The following CDC37L1 variants were observed in gnomAD, a reference collection of about 807,000 sequenced individuals.
CDC37L1 encodes the protein cell division cycle 37 like 1, HSP90 cochaperone.
A neutral mutation model predicts 45.9 loss-of-function variants in CDC37L1; 32 were observed. The ratio of observed to expected loss-of-function variants is 0.70; its 90% confidence interval spans 0.53 to 0.94. CDC37L1 has a LOEUF of 0.94. CDC37L1 is among the 40% of genes least tolerant of loss of function. The probability of loss-of-function intolerance (pLI) is 0.00; values close to 1 mark genes in which losing one functional copy is unlikely to be tolerated. For missense variants in CDC37L1, 434 were observed against 405.7 expected (o/e 1.07, Z -0.60); for synonymous variants, 150 against 133.0 (o/e 1.13, Z -0.88).
chr9:4,684,249 A>G (rs958044170), intron 1 of CDC37L1, among the ~76,000 whole-genome samples: 1 of 152,180 alleles, frequency 6.6e-6, no homozygotes, highest in African/African-American at 2.4e-5. Context: ...GCACCTTTGC[A>G]CTCTAGCCTG....
chr9:4,681,754 GA>G (rs1360209643), intron 1 of CDC37L1, among the ~76,000 whole-genome samples: 1 of 152,054 alleles, frequency 6.6e-6, no homozygotes, highest in East Asian at 1.9e-4. Flanking sequence ...GGAATATTTG[GA>G]AAAAATAAAA....
At chr9:4,701,730 G>A in intron 5 of CDC37L1, 134 bp from the exon 6 acceptor site, 1 of 540,324 alleles carries the variant, frequency 1.9e-6, no homozygotes, top group South Asian at 2.8e-5. Flanking sequence ...CAGGGATCGT[G>A]GTGGTTTCTA....
At chr9:4,684,538 T>C (rs1269186219) in intron 1 of CDC37L1, among the ~76,000 whole-genome samples, 4 of 152,182 alleles carry the variant, frequency 2.6e-5, no homozygotes, top group African/African-American at 9.7e-5. Flanking sequence ...GGTGATGAAC[T>C]AGATTTAAGC....
At position 4,706,226 on chromosome 9, in the gene CDC37L1, G is replaced by A; in HGVS notation, c.*114G>A. On this transcript the variant is annotated 3_prime_UTR_variant, in exon 7 of 7. Transcript: ENST00000381854. ...CTTTATTTTTGTTCGGTTTTTGATG[G>A]GAGGGAAAGAGTACTGAAATGTTTT... is the stretch of plus-strand genomic sequence containing the variant. 1.9e-6 allele frequency: 1 copy of A among 528,996 alleles called. No individual in the cohort carries two copies. The highest frequency in any genetic ancestry group is 3.1e-5 in the Admixed American group (1 of 32,198). The allele number at this position is 528,996 out of a possible 1,614,324, so 32.8% of individuals were successfully genotyped here.
intron 1 of CDC37L1, among the ~76,000 whole-genome samples, chr9:4,680,185 T>G (rs985524173): frequency 6.6e-6 from 1 of 152,178 alleles, no homozygotes; most frequent in Admixed American, 6.5e-5. Context: ...CATCTCCCCT[T>G]CCTGACAGCA....
chr9:4,705,930 A>T (rs1400778915), intron 6 of CDC37L1, 81 bp from the exon 7 acceptor site: 27 of 604,562 alleles, frequency 4.5e-5, no homozygotes, highest in East Asian at 2.8e-4. Context: ...GGTGAAACTG[A>T]ATATATATGT....
chr9:4,680,635 T>C (rs1038264166), intron 1 of CDC37L1, among the ~76,000 whole-genome samples: 7 of 152,212 alleles, frequency 4.6e-5, no homozygotes, highest in Admixed American at 2.0e-4. Context: ...TAAGGATTTT[T>C]CAGGGACCTA....
chr9:4,698,969 T>C (rs1210029537), intron 5 of CDC37L1, among the ~76,000 whole-genome samples: 1 of 152,114 alleles, frequency 6.6e-6, no homozygotes, highest in Non-Finnish European at 1.5e-5. Flanking sequence ...ATGTTATTAA[T>C]GGTAGTGTAA....
At chr9:4,689,076 T>G (rs1383000694) in intron 3 of CDC37L1, among the ~76,000 whole-genome samples, 1 of 152,136 alleles carries the variant, frequency 6.6e-6, no homozygotes, top group Non-Finnish European at 1.5e-5. Flanking sequence ...GAAAAATAGG[T>G]TTTTTCTATT....
rs555501725 is a variant in CDC37L1, at chr9:4,683,679, T to C, written c.133-1198T>C. ...CAGATTCATTTTTTGGAAAGATCAC[T>C]CCAGTCTAGTGGAGTGGAGAACGGC... On this transcript the variant is annotated intron_variant, in intron 1 of 6. Transcript: ENST00000381854. Among the ~76,000 whole-genome samples the C allele has an allele frequency of 1.1e-4, 16 of 152,284 alleles. No homozygotes were observed. The South Asian group carries it at 3.3e-3, about 32-fold the overall frequency.
intron 4 of CDC37L1, 72 bp downstream of exon 4, chr9:4,697,283 G>C: frequency 2.6e-6 from 2 of 758,042 alleles, no homozygotes; most frequent in Non-Finnish European, 4.6e-6. Flanking sequence ...TTGATGTTTT[G>C]TTTTGTTTTC....
At chr9:4,688,017 A>C (rs953242264) in intron 2 of CDC37L1, among the ~76,000 whole-genome samples, 11 of 152,086 alleles carry the variant, frequency 7.2e-5, no homozygotes, top group Non-Finnish European at 1.3e-4. Context: ...TTTTTTTGTG[A>C]GATGGAGTCT....
chr9:4,688,622 G>A lies in CDC37L1; in HGVS notation c.508+16G>A. The A allele has an allele frequency of 7.0e-7, 1 of 1,422,728 alleles. No homozygotes were observed. Among genetic ancestry groups the A allele is most frequent in the Non-Finnish European group, 9.5e-7 (1 of 1,047,386 alleles). 88.1% of individuals were successfully genotyped at this position (1,422,728 alleles called of 1,614,324 possible). On this transcript the variant is annotated intron_variant, in intron 3 of 6. Coordinates refer to ENST00000381854, the MANE Select transcript of CDC37L1 (RefSeq NM_017913.4). ...AGACATTTTGGTAAGTCTACTACTT[G>A]GATTTCCTTCTTTGTAATGTTTGGT... is the stretch of plus-strand genomic sequence containing the variant.
At position 4,682,159 on chromosome 9, in the gene CDC37L1, C is replaced by CTTTTTTTTTTTTTTTTTTT. The variant is rs1563766411; in HGVS notation, c.132+2261_132+2262insTTTTTTTTTTTTTTTTTTT. Among the ~76,000 whole-genome samples, 2 of 48,466 alleles carry CTTTTTTTTTTTTTTTTTTT rather than the reference C, an allele frequency of 4.1e-5. 1 individual carries two copies. Among genetic ancestry groups the CTTTTTTTTTTTTTTTTTTT allele is most frequent in the Non-Finnish European group, 7.3e-5 (2 of 27,544 alleles). 31.8% of individuals were successfully genotyped at this position (48,466 alleles called of 152,430 possible). Reference sequence around the variant, plus strand: ...TACTTTTCTTGATATATTATCCTTTCTCTTTTTTTTTTTTTTTTTTTGAGG... The same window carrying CTTTTTTTTTTTTTTTTTTT: ...TACTTTTCTTGATATATTATCCTTTCTTTTTTTTTTTTTTTTTTTTCTTTTTTTTTTTTTTTTTTTGAGG... On this transcript the variant is annotated intron_variant, in intron 1 of 6. Coordinates refer to ENST00000381854, the MANE Select transcript of CDC37L1 (RefSeq NM_017913.4).
At chr9:4,696,756 C>T (rs1251779896) in intron 3 of CDC37L1, among the ~76,000 whole-genome samples, 1 of 152,186 alleles carries the variant, frequency 6.6e-6, no homozygotes, top group African/African-American at 2.4e-5. Context: ...GAGTAAATGG[C>T]TTACATAACT....
intron 2 of CDC37L1, among the ~76,000 whole-genome samples, chr9:4,688,056 G>A (rs1841266665): frequency 6.6e-6 from 1 of 152,164 alleles, no homozygotes; most frequent in Admixed American, 6.5e-5. Flanking sequence ...GGAGTGCAGT[G>A]GCATGATCTC....
At chr9:4,683,661 A>AT (rs1841219120) in intron 1 of CDC37L1, among the ~76,000 whole-genome samples, 1 of 152,162 alleles carries the variant, frequency 6.6e-6, no homozygotes, top group Non-Finnish European at 1.5e-5. Flanking sequence ...GATCAGATTC[A>AT]TTTTTTGGAA....
intron 6 of CDC37L1, chr9:4,703,070 C>G (rs1202414793): frequency 1.3e-6 from 2 of 1,541,854 alleles, no homozygotes; most frequent in East Asian, 2.5e-5. Context: ...AGAGCCCAGT[C>G]ATCTCTCATT....
rs529148148 is a variant in CDC37L1 at position 4,680,191 on chromosome 9, C to G, written c.132+292C>G. Among the ~76,000 whole-genome samples the G allele has an allele frequency of 2.6e-5, 4 of 152,334 alleles. No individual in the cohort carries two copies. In the East Asian group the frequency reaches 7.7e-4, roughly 29 times the overall value. On this transcript the variant is annotated intron_variant, in intron 1 of 6. Coordinates refer to ENST00000381854, the MANE Select transcript of CDC37L1 (RefSeq NM_017913.4). ...ACCTTCCTCCATCTCCCCTTCCTGACAGCACTCAGATTTGGGGCGGCTCAT... is the reference window on the plus strand; with the variant it reads ...ACCTTCCTCCATCTCCCCTTCCTGAGAGCACTCAGATTTGGGGCGGCTCAT...
Sources: allele counts gnomAD v4.1 joint callset (sites outside exome capture counted in the v4.1 genomes callset), GRCh38; gene constraint gnomAD v4.1.1; transcripts MANE v1.5; gene names NCBI Gene and HGNC (gene_info 2026-07-23, HGNC 2026-07-21).